The following DPYD variants were observed in gnomAD, a reference collection of about 807,000 sequenced individuals.
The protein encoded by DPYD is dihydropyrimidine dehydrogenase.
DPYD carries 109 observed loss-of-function variants against 116.2 expected under a neutral mutation model. The observed-to-expected ratio is 0.94, with a 90% CI of 0.80 to 1.10. The LOEUF is 1.10. Ranked by LOEUF, DPYD falls within the 50% of genes least tolerant of loss-of-function variation. DPYD has a pLI of 0.00. For missense variants in DPYD, 1,302 were observed against 1,254.5 expected, an observed-to-expected ratio of 1.04 and a Z score of -0.57; for synonymous variants, 440 against 432.0, an observed-to-expected ratio of 1.02 and a Z score of -0.23.
At chr1:97,144,637 T>A (rs1327184109) in intron 20 of DPYD, among the ~76,000 whole-genome samples, 2 of 152,190 alleles carry the variant, frequency 1.3e-5, no homozygotes, top group African/African-American at 4.8e-5. Flanking sequence ...GACAGGGTTG[T>A]TGGAATTTTT....
At chr1:97,720,666 G>C (rs1662871830) in intron 5 of DPYD, 1 of 1,346,932 alleles carries the variant, frequency 7.4e-7, no homozygotes, top group Non-Finnish European at 9.5e-7. Flanking sequence ...AGAACACATT[G>C]TGTTTATGCT....
intron 11 of DPYD, among the ~76,000 whole-genome samples, chr1:97,551,313 T>A (rs1346223377): frequency 6.6e-6 from 1 of 152,176 alleles, no homozygotes; most frequent in African/African-American, 2.4e-5. Context: ...TTGTTCCCTG[T>A]TGCATAACAG....
At chr1:97,428,070 G>T (rs1274590575) in intron 14 of DPYD, among the ~76,000 whole-genome samples, 1 of 152,056 alleles carries the variant, frequency 6.6e-6, no homozygotes, top group African/African-American at 2.4e-5. Flanking sequence ...TACAATAAAA[G>T]TTATACATTA....
chr1:97,111,414 C>G (rs1028216208), intron 20 of DPYD, among the ~76,000 whole-genome samples: 1 of 152,058 alleles, frequency 6.6e-6, no homozygotes, highest in African/African-American at 2.4e-5. Flanking sequence ...TCACTACACT[C>G]CAGCCATATT....
intron 16 of DPYD, among the ~76,000 whole-genome samples, chr1:97,366,775 A>G (rs1414012336): frequency 6.6e-6 from 1 of 152,182 alleles, no homozygotes; most frequent in African/African-American, 2.4e-5. Context: ...AGAACTCAGC[A>G]GTGATCCTCA....
intron 16 of DPYD, among the ~76,000 whole-genome samples, chr1:97,328,468 T>C (rs565333472): frequency 6.6e-6 from 1 of 152,154 alleles, no homozygotes; most frequent in African/African-American, 2.4e-5. Context: ...GTTTCCTCCA[T>C]CCACAATATC....
At chr1:97,829,104 G>A (rs1669395971) in intron 2 of DPYD, among the ~76,000 whole-genome samples, 1 of 151,154 alleles carries the variant, frequency 6.6e-6, no homozygotes. Context: ...GAATTTACTA[G>A]TATTTAGTTG....
At chr1:97,156,663 T>C (rs540634952) in intron 20 of DPYD, among the ~76,000 whole-genome samples, 1 of 152,214 alleles carries the variant, frequency 6.6e-6, no homozygotes, top group Admixed American at 6.5e-5. Flanking sequence ...TTTTACACTG[T>C]TGGTGGGACT....
intron 6 of DPYD, among the ~76,000 whole-genome samples, chr1:97,699,149 AT>A (rs1661456972): frequency 6.6e-6 from 1 of 152,108 alleles, no homozygotes; most frequent in South Asian, 2.1e-4. Context: ...TAGAGAGAAA[AT>A]TTTTTAAATA....
chr1:97,278,659 G>A (rs975632220), intron 18 of DPYD, among the ~76,000 whole-genome samples: 1 of 152,146 alleles, frequency 6.6e-6, no homozygotes, highest in Admixed American at 6.5e-5. Context: ...AGCCAAATGA[G>A]GATAATCTGA....
At chr1:97,209,453 C>A (rs1259338960) in intron 19 of DPYD, among the ~76,000 whole-genome samples, 3 of 152,064 alleles carry the variant, frequency 2.0e-5, no homozygotes, top group Non-Finnish European at 4.4e-5. Context: ...AGACATCAGG[C>A]CTTATAAATG....
chr1:97,696,149 GAAAAGAAA>G (rs1303106154), intron 6 of DPYD, among the ~76,000 whole-genome samples: 3 of 140,696 alleles, frequency 2.1e-5, no homozygotes, highest in East Asian at 2.0e-4. Context: ...AAAGAAAAAA[GAAAAGAAA>G]AAAAGAAAAA....
intron 10 of DPYD, among the ~76,000 whole-genome samples, chr1:97,590,021 A>G (rs1026056676): frequency 1.3e-5 from 2 of 152,166 alleles, no homozygotes; most frequent in African/African-American, 4.8e-5. Flanking sequence ...AACCTTTCAA[A>G]ACCTGTATCT....
chr1:97,564,216 G>A (rs996927681), intron 11 of DPYD, among the ~76,000 whole-genome samples: 20 of 152,070 alleles, frequency 1.3e-4, no homozygotes, highest in Admixed American at 9.2e-4. Context: ...ATTAAAAAGC[G>A]AACAGGTGGT....
chr1:97,826,577 GTATT>G (rs1032790777), intron 3 of DPYD, among the ~76,000 whole-genome samples: 1 of 152,074 alleles, frequency 6.6e-6, no homozygotes, highest in African/African-American at 2.4e-5. Context: ...CATGTTTACT[GTATT>G]TAAACTTATC....
intron 2 of DPYD, among the ~76,000 whole-genome samples, chr1:97,849,199 AC>A (rs1212217302): frequency 6.6e-6 from 1 of 152,220 alleles, no homozygotes; most frequent in South Asian, 2.1e-4. Flanking sequence ...GAACAAAGTT[AC>A]AAACTAGGAA....
intron 14 of DPYD, among the ~76,000 whole-genome samples, chr1:97,393,428 T>G (rs1672826478): frequency 6.6e-6 from 1 of 152,044 alleles, no homozygotes; most frequent in African/African-American, 2.4e-5. Flanking sequence ...TATCTCCTAA[T>G]GCTATCCCTC....
At chr1:97,560,002 C>T (rs1030777611) in intron 11 of DPYD, among the ~76,000 whole-genome samples, 3 of 152,094 alleles carry the variant, frequency 2.0e-5, no homozygotes, top group Admixed American at 6.6e-5. Flanking sequence ...CAAGGTCACA[C>T]CCTTAGGATT....
intron 3 of DPYD, among the ~76,000 whole-genome samples, chr1:97,760,094 G>A (rs1665489188): frequency 6.6e-6 from 1 of 152,116 alleles, no homozygotes; most frequent in Non-Finnish European, 1.5e-5. Flanking sequence ...AATGGGCAGA[G>A]GCATAGAATA....
Sources: gnomAD v4.1 joint callset for allele counts (sites outside exome capture counted in the v4.1 genomes callset) on GRCh38, gnomAD v4.1.1 for gene constraint, MANE v1.5 for transcripts, NCBI Gene and HGNC (gene_info 2026-07-23, HGNC 2026-07-21) for gene names.